Variants in UACA observed in about 807,000 individuals in gnomAD.
The protein encoded by UACA is uveal autoantigen with coiled-coil domains and ankyrin repeats, also known as nuclear membrane binding protein.
Under a neutral mutation model 160.5 loss-of-function variants are expected in UACA, and 112 were observed. The observed-to-expected ratio is 0.70, with a 90% CI of 0.60 to 0.82. The LOEUF (loss-of-function observed/expected upper bound fraction) is 0.82, where lower values mean the gene tolerates loss of function less well. Ranked by LOEUF, UACA falls within the 40% of genes least tolerant of loss-of-function variation. The pLI is 0.00. For missense variants in UACA, 1,574 were observed against 1,614.6 expected (o/e 0.97, Z 0.43); for synonymous variants, 557 against 568.4 (o/e 0.98, Z 0.29).
intron 2 of UACA, among the ~76,000 whole-genome samples, chr15:70,696,504 C>A (rs534398025): frequency 1.3e-5 from 2 of 152,224 alleles, no homozygotes; most frequent in South Asian, 4.2e-4. Flanking sequence ...AGTCTTGCGA[C>A]GCTATTAGTA....
chr15:70,747,702 A>G (rs1465339352), intron 1 of UACA, among the ~76,000 whole-genome samples: 1 of 152,214 alleles, frequency 6.6e-6, no homozygotes, highest in African/African-American at 2.4e-5. Flanking sequence ...AAAGTTTTTC[A>G]GTAGCAGTGC....
upstream of UACA, chr15:70,763,624 C>G (rs2030917752): frequency 2.2e-6 from 2 of 921,702 alleles, no homozygotes; most frequent in Middle Eastern, 3.8e-4. Context: ...GCGTGGCAAA[C>G]CGCGACCAAT....
chr15:70,747,908 A>C (rs1235348108), intron 1 of UACA, among the ~76,000 whole-genome samples: 3 of 152,228 alleles, frequency 2.0e-5, no homozygotes, highest in African/African-American at 2.4e-5. Context: ...CTATCTTAAA[A>C]ATCTGAATGA....
At chr15:70,693,266 C>T (rs745987187) in intron 3 of UACA, among the ~76,000 whole-genome samples, 3 of 152,058 alleles carry the variant, frequency 2.0e-5, no homozygotes, top group African/African-American at 4.8e-5. Context: ...ACTTGAGATA[C>T]GGCAGCAAAA....
chr15:70,699,730 AAG>A, intron 1 of UACA, 70 bp from the exon 2 acceptor site: 1 of 1,554,950 alleles, frequency 6.4e-7, no homozygotes, highest in Non-Finnish European at 8.7e-7. Flanking sequence ...AGAAAGAAAA[AAG>A]AGAGAAAGGA....
At chr15:70,694,210 T>C (rs1898043943) in intron 3 of UACA, among the ~76,000 whole-genome samples, 2 of 151,924 alleles carry the variant, frequency 1.3e-5, no homozygotes, top group Admixed American at 1.3e-4. Flanking sequence ...ATGTTTATCC[T>C]GATAGATAGA....
intron 1 of UACA, among the ~76,000 whole-genome samples, chr15:70,751,833 G>T (rs57839611): frequency 6.6e-6 from 1 of 151,824 alleles, no homozygotes; most frequent in Non-Finnish European, 1.5e-5. Flanking sequence ...ACTTATACAT[G>T]GCCATGAATG....
intron 1 of UACA, among the ~76,000 whole-genome samples, chr15:70,718,136 G>A (rs919256004): frequency 6.6e-6 from 1 of 150,780 alleles, no homozygotes; most frequent in Admixed American, 6.6e-5. Flanking sequence ...CATTTAAAAA[G>A]GGATATACTC....
At chr15:70,676,136 C>T (rs1258287924) in intron 13 of UACA, among the ~76,000 whole-genome samples, 2 of 152,130 alleles carry the variant, frequency 1.3e-5, no homozygotes, top group Non-Finnish European at 2.9e-5. Flanking sequence ...TAATCCTGGA[C>T]ATATCATCAT....
chr15:70,775,065 GA>G, the UACA span, among the ~76,000 whole-genome samples: 1 of 151,062 alleles, frequency 6.6e-6, no homozygotes, highest in Non-Finnish European at 1.5e-5. Flanking sequence ...TCTCAAAAAA[GA>G]AAAAAAAGAA....
chr15:70,711,021 A>C (rs1459319647), intron 1 of UACA, among the ~76,000 whole-genome samples: 1 of 152,140 alleles, frequency 6.6e-6, no homozygotes. Context: ...ACCAGTCCCC[A>C]TCCTGAAACT....
intron 13 of UACA, 133 bp downstream of exon 13, chr15:70,676,360 G>T: frequency 3.1e-6 from 2 of 650,404 alleles, no homozygotes; most frequent in Non-Finnish European, 5.0e-6. Flanking sequence ...GAGGCAACAA[G>T]TTTGAAGACT....
chr15:70,767,253 AAAACAAAAAACAAAAACAAAAAC>A (rs1178782473), upstream of UACA, among the ~76,000 whole-genome samples: 4 of 141,274 alleles, frequency 2.8e-5, no homozygotes, highest in African/African-American at 5.8e-5. Context: ...AAAAAAAAAA[AAAACAAAAAACAAAAACAAAAAC>A]AACAACAATA....
chr15:70,757,312 A>G (rs2030488719), intron 1 of UACA, among the ~76,000 whole-genome samples: 1 of 152,244 alleles, frequency 6.6e-6, no homozygotes, highest in South Asian at 2.1e-4. Context: ...GACTATTAAT[A>G]GGTGGTAATA....
rs1898388833 is a variant in UACA, at chr15:70,702,160, G to A, written c.79-2500C>T. ...AGAACTTGATTAAGAGCAGCCCCAAGTCAGGTACAGTAACTCTATCTATTT... is the reference window on the plus strand; with the variant it reads ...AGAACTTGATTAAGAGCAGCCCCAAATCAGGTACAGTAACTCTATCTATTT... On this transcript the variant is annotated intron_variant, in intron 1 of 18. Coordinates refer to ENST00000322954, the MANE Select transcript of UACA (RefSeq NM_018003.4). The A allele has an allele frequency of 3.2e-6, 4 of 1,267,242 alleles. No homozygotes were observed. The South Asian group carries it at 7.3e-5, about 23-fold the overall frequency. 78.5% of individuals were successfully genotyped at this position (1,267,242 alleles called of 1,614,324 possible).
In UACA at chr15:70,682,929, A is replaced by C. The variant is rs1312107056; in HGVS notation, c.785-134T>G. 3 of 484,764 alleles carry C rather than the reference A, an allele frequency of 6.2e-6. No homozygotes were observed. In the East Asian group the frequency reaches 1.1e-4, roughly 17 times the overall value. 30.0% of individuals were successfully genotyped at this position (484,764 alleles called of 1,614,324 possible). On this transcript the variant is annotated intron_variant, in intron 8 of 18. Coordinates refer to ENST00000322954, the MANE Select transcript of UACA (RefSeq NM_018003.4). ...TTTCCTCTAAAGCTTACAACTTTTT[A>C]GTTTTATTTCTAAAACGTATGCTTG...
intron 13 of UACA, among the ~76,000 whole-genome samples, 195 bp from the exon 14 acceptor site, chr15:70,672,196 A>G (rs1319887654): frequency 6.6e-6 from 1 of 152,218 alleles, no homozygotes; most frequent in Non-Finnish European, 1.5e-5. Flanking sequence ...CTGGGAATAA[A>G]GTACTTCACT....
chr15:70,735,147 TA>T (rs1555415817), intron 1 of UACA, among the ~76,000 whole-genome samples: 214 of 3,110 alleles, frequency 0.069, 18 homozygotes, highest in African/African-American at 0.24. Context: ...TAGAGTATAA[TA>T]AAAAAAAAAA....
intron 1 of UACA, among the ~76,000 whole-genome samples, chr15:70,719,734 T>C (rs1898933700): frequency 6.6e-6 from 1 of 151,922 alleles, no homozygotes; most frequent in Non-Finnish European, 1.5e-5. Flanking sequence ...CATTCAAAAG[T>C]AGACAAGAAT....
Sources: gnomAD v4.1 joint callset for allele counts (sites outside exome capture counted in the v4.1 genomes callset) on GRCh38, gnomAD v4.1.1 for gene constraint, MANE v1.5 for transcripts, NCBI Gene and HGNC (gene_info 2026-07-23, HGNC 2026-07-21) for gene names.